Variants in PCYOX1 observed in about 807,000 individuals in gnomAD.
PCYOX1 encodes the protein prenylcysteine oxidase 1.
PCYOX1 carries 46 observed loss-of-function variants against 46.4 expected under a neutral mutation model. The observed-to-expected ratio is 0.99, with a 90% CI of 0.78 to 1.27. The LOEUF (loss-of-function observed/expected upper bound fraction) is 1.27, where lower values mean the gene tolerates loss of function less well. PCYOX1 is among the 50% of genes most tolerant of loss of function. The pLI is 0.00. For synonymous variants in PCYOX1, 220 were observed against 231.8 expected (o/e 0.95, Z 0.46); for missense variants, 658 against 628.3 (o/e 1.05, Z -0.51).
chr2:70,272,211 C>T (rs1696610929), intron 3 of PCYOX1, among the ~76,000 whole-genome samples: 1 of 151,224 alleles, frequency 6.6e-6, no homozygotes, highest in African/African-American at 2.4e-5. Flanking sequence ...ACTGCAACCT[C>T]TACCTCCCAG....
chr2:70,273,432 T>C (rs1049664551), intron 3 of PCYOX1, among the ~76,000 whole-genome samples: 3 of 152,246 alleles, frequency 2.0e-5, no homozygotes, highest in Non-Finnish European at 4.4e-5. Context: ...ACTACTACTA[T>C]GCTTTTAGTA....
At chr2:70,258,659 G>A (rs981409477) in intron 1 of PCYOX1, among the ~76,000 whole-genome samples, 1 of 152,192 alleles carries the variant, frequency 6.6e-6, no homozygotes, top group African/African-American at 2.4e-5. Flanking sequence ...GACCTGGGGC[G>A]CCCGGCCAGA....
chr2:70,260,869 G>A lies in PCYOX1; in HGVS notation c.320-343G>A, dbSNP rs148185109. On this transcript the variant is annotated intron_variant, in intron 2 of 5. Transcript: ENST00000433351. Reference sequence around the variant, plus strand: ...GTATACCCAGAACAAATTATGCCACGAAGATGCATGTCTGACATCTTTGTT... The same window carrying A: ...GTATACCCAGAACAAATTATGCCACAAAGATGCATGTCTGACATCTTTGTT... 6.1e-4 allele frequency among the ~76,000 whole-genome samples: 93 copies of A among 152,126 alleles called. 1 individual carries two copies. The highest frequency in any genetic ancestry group is 2.1e-3 in the African/African-American group (88 of 41,398).
In PCYOX1 at chr2:70,278,572, C is replaced by T. The variant is rs1696718549; in HGVS notation, c.*1180C>T. 1 of 152,216 alleles carries T rather than the reference C, an allele frequency of 6.6e-6. No homozygotes were observed. The highest frequency in any genetic ancestry group is 1.5e-5 in the Non-Finnish European group (1 of 68,048). The allele number at this position is 152,216 out of a possible 1,614,324, so 9.4% of individuals were successfully genotyped here. On this transcript the variant is annotated 3_prime_UTR_variant, in exon 6 of 6. Coordinates refer to ENST00000433351, the MANE Select transcript of PCYOX1 (RefSeq NM_016297.4). ...CACTAGAACAGAATACTTGGAATGA[C>T]ACCAAAGTTAACCAAGTCCAGCATA...
At chr2:70,259,946 G>T (rs1156758536) in intron 2 of PCYOX1, among the ~76,000 whole-genome samples, 1 of 152,112 alleles carries the variant, frequency 6.6e-6, no homozygotes, top group East Asian at 1.9e-4. Context: ...CTCCTGAGTA[G>T]CTGGGATTAC....
In PCYOX1 at chr2:70,269,233, G is replaced by A. The variant is rs113837069; in HGVS notation, c.495-5726G>A. ...ACTCTGTTGCCCAGGCTAGAGTGTA[G>A]TATGTTCACAGCAACCTCTGCCTCC... is the stretch of plus-strand genomic sequence containing the variant. On this transcript the variant is annotated intron_variant, in intron 3 of 5. Transcript: ENST00000433351. 4.2e-3 allele frequency among the ~76,000 whole-genome samples: 622 copies of A among 148,312 alleles called. 2 individuals are homozygous for A. Among genetic ancestry groups the A allele is most frequent in the African/African-American group, 0.015 (588 of 40,340 alleles).
At chr2:70,273,068 T>C (rs1192228457) in intron 3 of PCYOX1, among the ~76,000 whole-genome samples, 1 of 152,216 alleles carries the variant, frequency 6.6e-6, no homozygotes, top group Non-Finnish European at 1.5e-5. Flanking sequence ...ATTGTGTATA[T>C]AGTTTCATCT....
At chr2:70,275,961 G>A (rs951473272) in intron 5 of PCYOX1, among the ~76,000 whole-genome samples, 20 of 151,572 alleles carry the variant, frequency 1.3e-4, no homozygotes, top group South Asian at 2.1e-4. Flanking sequence ...TTAGCCGGGC[G>A]TGGTGGCAGG....
chr2:70,260,471 G>A (rs1440332927), intron 2 of PCYOX1, among the ~76,000 whole-genome samples: 2 of 152,220 alleles, frequency 1.3e-5, no homozygotes, highest in Non-Finnish European at 2.9e-5. Flanking sequence ...TTGAGCCTGG[G>A]AGATAGAAGC....
At chr2:70,276,326 C>T (rs924564575) in intron 5 of PCYOX1, among the ~76,000 whole-genome samples, 9 of 151,720 alleles carry the variant, frequency 5.9e-5, no homozygotes, top group East Asian at 2.0e-4. Context: ...CCTGCCTCAG[C>T]GTCCCGAGTA....
chr2:70,261,789 C>CT (rs1696444510), intron 3 of PCYOX1, among the ~76,000 whole-genome samples: 1 of 152,160 alleles, frequency 6.6e-6, no homozygotes, highest in Non-Finnish European at 1.5e-5. Flanking sequence ...GCAGTCTGGC[C>CT]TTTGAGTCTT....
intron 3 of PCYOX1, among the ~76,000 whole-genome samples, chr2:70,262,510 TG>T (rs1436487511): frequency 6.8e-6 from 1 of 148,130 alleles, no homozygotes; most frequent in African/African-American, 2.5e-5. Context: ...GATGGAGTTT[TG>T]CTCTGTCGCC....
chr2:70,275,058 A>C lies in PCYOX1; in HGVS notation c.594A>C (p.Thr198=). The part of the protein sequence containing the change: ...GDDFLGMLNR[T]LLETLQKAGF... ...ACTTCCTTGGAATGCTTAATCGAACACTTCTTGAAACCTTGCAAAAGGCCG... is the reference window on the plus strand; with the variant it reads ...ACTTCCTTGGAATGCTTAATCGAACCCTTCTTGAAACCTTGCAAAAGGCCG... Residue 198 remains threonine (T), a synonymous_variant, in exon 4 of 6, where the codon ACA becomes ACC. Transcript: ENST00000433351. 1 of 1,613,928 alleles carries C rather than the reference A, an allele frequency of 6.2e-7. No homozygotes were observed. The highest frequency in any genetic ancestry group is 8.5e-7 in the Non-Finnish European group (1 of 1,179,780).
chr2:70,272,879 G>A (rs1349656392), intron 3 of PCYOX1, among the ~76,000 whole-genome samples: 2 of 151,868 alleles, frequency 1.3e-5, no homozygotes, highest in Admixed American at 6.6e-5. Flanking sequence ...TGTATTTTTA[G>A]TAGAGATGGG....
At chr2:70,264,430 G>A (rs1363131782) in intron 3 of PCYOX1, among the ~76,000 whole-genome samples, 1 of 151,716 alleles carries the variant, frequency 6.6e-6, no homozygotes. Flanking sequence ...GAGTCCAAGC[G>A]ATTCTCCTGC....
intron 3 of PCYOX1, among the ~76,000 whole-genome samples, chr2:70,272,986 C>T (rs142615075): frequency 2.9e-4 from 44 of 152,282 alleles, no homozygotes; most frequent in African/African-American, 1.0e-3. Flanking sequence ...GCATGAGCCA[C>T]CATACCCAGC....
chr2:70,273,421 T>C (rs749054885), intron 3 of PCYOX1, among the ~76,000 whole-genome samples: 11 of 152,194 alleles, frequency 7.2e-5, no homozygotes, highest in Non-Finnish European at 1.5e-4. Flanking sequence ...TGTACACTTA[T>C]ACTACTACTA....
At chr2:70,258,076 C>G (rs1696369990), upstream of PCYOX1, 1 of 1,101,848 alleles carries the variant, frequency 9.1e-7, no homozygotes, top group South Asian at 1.5e-5. Flanking sequence ...GCTGGGCGGC[C>G]TGGGGGCGGG....
At position 70,276,868 on chromosome 2, in the gene PCYOX1, C is replaced by T; in HGVS notation, c.994C>T (p.Pro332Ser). The part of the protein sequence containing the change: ...SNITFLNFDP[P>S]IEEFHQYYQH... ...TATTACTTTTCTCAACTTTGATCCT[C>T]CAATTGAGGAATTCCATCAATATTA... Residue 332 changes from proline to serine, a missense_variant, in exon 6 of 6, where the codon CCA (proline) becomes TCA (serine). Transcript: ENST00000433351. 2 of 1,613,290 alleles carry T rather than the reference C, an allele frequency of 1.2e-6. No individual in the cohort carries two copies. Among genetic ancestry groups the T allele is most frequent in the South Asian group, 2.2e-5 (2 of 91,010 alleles).
Sources: allele counts gnomAD v4.1 joint callset (sites outside exome capture counted in the v4.1 genomes callset), GRCh38; gene constraint gnomAD v4.1.1; transcripts MANE v1.5; gene names NCBI Gene and HGNC (gene_info 2026-07-23, HGNC 2026-07-21).